KATNBL1: variants seen among roughly 807,000 people sequenced by gnomAD.
KATNBL1 encodes the protein KATNB1-like protein 1.
Under a neutral mutation model 44.7 loss-of-function variants are expected in KATNBL1, and 28 were observed. That is an observed-to-expected ratio of 0.63 (90% confidence interval 0.46 to 0.86). KATNBL1 has a LOEUF of 0.86. Ranked by LOEUF, KATNBL1 falls within the 40% of genes least tolerant of loss-of-function variation. KATNBL1 has a pLI of 0.00. For synonymous variants in KATNBL1, 78 were observed against 114.9 expected (o/e 0.68, Z 2.06); for missense variants, 272 against 350.7 (o/e 0.78, Z 1.79).
chr15:34,154,558 T>TA (rs1888578855), intron 3 of KATNBL1, 86 bp downstream of exon 3: 2 of 832,274 alleles, frequency 2.4e-6, no homozygotes, highest in African/African-American at 3.4e-5. Context: ...ATTATTATGA[T>TA]AAAAGAATGC....
rs1888908374 is a variant in KATNBL1 at position 34,164,572 on chromosome 15, G to T, written c.-14-882C>A. Among the ~76,000 whole-genome samples the T allele has an allele frequency of 2.0e-5, 3 of 151,902 alleles. 1 individual carries two copies. The South Asian group carries it at 6.2e-4, about 32-fold the overall frequency. On this transcript the variant is annotated intron_variant, in intron 1 of 9. Coordinates refer to ENST00000256544, the MANE Select transcript of KATNBL1 (RefSeq NM_024713.3). Reference sequence around the variant, plus strand: ...ATTTTACTAATTATATCTAAAGAGGGTCTAAAGAGGGCATGTTGATGGAAA... The same window carrying T: ...ATTTTACTAATTATATCTAAAGAGGTTCTAAAGAGGGCATGTTGATGGAAA...
intron 2 of KATNBL1, 157 bp from the exon 3 acceptor site, chr15:34,154,841 G>A (rs1888590261): frequency 3.3e-6 from 2 of 611,806 alleles, no homozygotes; most frequent in African/African-American, 1.9e-5. Flanking sequence ...TACCGGGCAT[G>A]GGAGGAGAAG....
chr15:34,208,771 C>G (rs1389719890), intron 1 of KATNBL1: 1 of 152,114 alleles, frequency 6.6e-6, no homozygotes, highest in African/African-American at 2.4e-5. Flanking sequence ...TATGTGTACA[C>G]AAAAGCACAC....
intron 1 of KATNBL1, among the ~76,000 whole-genome samples, chr15:34,192,527 C>T (rs1362107767): frequency 6.6e-6 from 1 of 152,078 alleles, no homozygotes; most frequent in Non-Finnish European, 1.5e-5. Flanking sequence ...TGCAATGATA[C>T]AGAGAAAATG....
intron 4 of KATNBL1, among the ~76,000 whole-genome samples, chr15:34,149,257 C>T (rs557617425): frequency 7.2e-5 from 11 of 152,210 alleles, no homozygotes; most frequent in Non-Finnish European, 1.0e-4. Context: ...AATATCACTC[C>T]GCAGAAATAA....
At chr15:34,151,217 G>A (rs1597427047) in intron 4 of KATNBL1, among the ~76,000 whole-genome samples, 1 of 152,228 alleles carries the variant, frequency 6.6e-6, no homozygotes, top group East Asian at 1.9e-4. Context: ...CATTGTATAA[G>A]TGTTCTTTTT....
Position 34,142,163 on chromosome 15 carries a change from T to G in KATNBL1, c.*176A>C. The stretch of plus-strand genomic sequence containing the variant: ...CCTTTTGGATATTTTTCCACTTCAA[T>G]GTGAAGCAGATTGCTGGGATTTCAT... On this transcript the variant is annotated 3_prime_UTR_variant, in exon 10 of 10. Coordinates refer to ENST00000256544, the MANE Select transcript of KATNBL1 (RefSeq NM_024713.3). 1.9e-6 allele frequency: 1 copy of G among 517,070 alleles called. No individual in the cohort carries two copies. The highest frequency in any genetic ancestry group is 4.8e-5 in the South Asian group (1 of 20,854). 32.0% of individuals were successfully genotyped at this position (517,070 alleles called of 1,614,324 possible). A position where few individuals can be genotyped will look rare whatever the true frequency, so the allele number is the denominator to read the frequency against.
chr15:34,159,190 T>C (rs371929076), intron 2 of KATNBL1, among the ~76,000 whole-genome samples: 1 of 152,172 alleles, frequency 6.6e-6, no homozygotes, highest in South Asian at 2.1e-4. Flanking sequence ...CTGCTACAGA[T>C]TGAATACATT....
intron 1 of KATNBL1, among the ~76,000 whole-genome samples, chr15:34,190,767 TAATA>T (rs1209464605): frequency 6.6e-6 from 1 of 152,134 alleles, no homozygotes; most frequent in Non-Finnish European, 1.5e-5. Flanking sequence ...ACAACACTAC[TAATA>T]AATATTCTTG....
intron 1 of KATNBL1, among the ~76,000 whole-genome samples, chr15:34,208,302 A>G (rs370522969): frequency 6.6e-6 from 1 of 152,270 alleles, no homozygotes; most frequent in African/African-American, 2.4e-5. Context: ...CTTGCGGCAC[A>G]TTTCTTTTGT....
chr15:34,168,147 T>C (rs937028629), intron 1 of KATNBL1, among the ~76,000 whole-genome samples: 4 of 152,106 alleles, frequency 2.6e-5, no homozygotes, highest in Non-Finnish European at 2.9e-5. Flanking sequence ...GACTGGCAAA[T>C]TGGATAAAGA....
intron 1 of KATNBL1, among the ~76,000 whole-genome samples, chr15:34,168,396 A>C (rs978602359): frequency 2.6e-5 from 4 of 152,338 alleles, no homozygotes; most frequent in African/African-American, 9.6e-5. Flanking sequence ...TAACTATCTT[A>C]AATATATATG....
At chr15:34,183,300 G>A (rs550823033) in intron 1 of KATNBL1, among the ~76,000 whole-genome samples, 54 of 152,296 alleles carry the variant, frequency 3.5e-4, no homozygotes, top group African/African-American at 1.3e-3. Flanking sequence ...TCAGGCCAAT[G>A]GGAGTTAAAA....
At chr15:34,186,771 C>G (rs911777207) in intron 1 of KATNBL1, among the ~76,000 whole-genome samples, 6 of 152,362 alleles carry the variant, frequency 3.9e-5, no homozygotes, top group Admixed American at 1.3e-4. Context: ...GGGTTGGGGC[C>G]AAGCCCCAGG....
At chr15:34,179,116 G>A (rs575686751) in intron 1 of KATNBL1, among the ~76,000 whole-genome samples, 16 of 152,264 alleles carry the variant, frequency 1.1e-4, no homozygotes, top group Admixed American at 5.2e-4. Context: ...GTCTTAGCTC[G>A]TTTTGTGCTA....
At chr15:34,192,644 G>C (rs1295119590) in intron 1 of KATNBL1, among the ~76,000 whole-genome samples, 1 of 152,142 alleles carries the variant, frequency 6.6e-6, no homozygotes, top group Non-Finnish European at 1.5e-5. Flanking sequence ...AGGGAGAAGA[G>C]ACAGAAACAA....
At chr15:34,160,303 G>A (rs1033574645) in intron 2 of KATNBL1, among the ~76,000 whole-genome samples, 1 of 152,178 alleles carries the variant, frequency 6.6e-6, no homozygotes, top group Non-Finnish European at 1.5e-5. Context: ...GTGGACAGCA[G>A]AATTTTTGCC....
At chr15:34,196,309 T>G (rs1890027282) in intron 1 of KATNBL1, among the ~76,000 whole-genome samples, 1 of 152,078 alleles carries the variant, frequency 6.6e-6, no homozygotes, top group African/African-American at 2.4e-5. Context: ...TCCCAGCTGC[T>G]TGGGAGGCTG....
At chr15:34,172,982 T>C (rs1310197766) in intron 1 of KATNBL1, among the ~76,000 whole-genome samples, 1 of 151,674 alleles carries the variant, frequency 6.6e-6, no homozygotes, top group Admixed American at 6.6e-5. Flanking sequence ...ATTGCATCTA[T>C]AAAACAAAAA....
Sources: allele counts gnomAD v4.1 joint callset (sites outside exome capture counted in the v4.1 genomes callset), GRCh38; gene constraint gnomAD v4.1.1; transcripts MANE v1.5; gene names NCBI Gene and HGNC (gene_info 2026-07-23, HGNC 2026-07-21).